TECPR2: variants seen among roughly 807,000 people sequenced by gnomAD.
The protein encoded by TECPR2 is tectonin beta-propeller repeat-containing protein 2.
In TECPR2, 65 loss-of-function variants were observed where a neutral mutation model predicts 138.1. That is an observed-to-expected ratio of 0.47 (90% CI 0.39 to 0.58). TECPR2 has a LOEUF of 0.58. Among genes scored for constraint, TECPR2 ranks in the 20% least tolerant of loss-of-function variants. The pLI, the probability that TECPR2 is intolerant of heterozygous loss-of-function variation, is 0.00. For synonymous variants in TECPR2, 746 were observed against 749.8 expected (o/e 0.99, Z 0.08); for missense variants, 1,553 against 1,824.5 (o/e 0.85, Z 2.71).
At chr14:102,432,731 C>T (rs1468070826) in intron 8 of TECPR2, among the ~76,000 whole-genome samples, 1 of 150,952 alleles carries the variant, frequency 6.6e-6, no homozygotes, top group East Asian at 2.0e-4. Flanking sequence ...CGGGGCCGGG[C>T]GCAGTGGCTC....
Position 102,376,853 on chromosome 14 carries a change from C to T in TECPR2, c.132C>T (p.Asn44=), listed in dbSNP as rs146316866. The T allele has an allele frequency of 1.9e-5, 30 of 1,614,040 alleles. No individual in the cohort carries two copies. Among genetic ancestry groups the T allele is most frequent in the African/African-American group, 9.3e-5 (7 of 74,914 alleles). ...IVVYLTALDT[N]GDYIAVGSSI... The stretch of plus-strand genomic sequence containing the variant: ...TCTATCTCACGGCCCTCGACACCAA[C>T]GGGGACTACATCGCGGTGGGCAGCA... The change falls in exon 2 of 20, where the codon AAC becomes AAT. Residue 44 remains asparagine, a synonymous_variant. Coordinates refer to ENST00000359520, the MANE Select transcript of TECPR2 (RefSeq NM_014844.5).
chr14:102,473,470 G>A (rs948921074), intron 17 of TECPR2, among the ~76,000 whole-genome samples: 39 of 152,142 alleles, frequency 2.6e-4, no homozygotes, highest in African/African-American at 9.4e-4. Context: ...TTTGTTCTTC[G>A]ACTTGAGCTT....
intron 5 of TECPR2, among the ~76,000 whole-genome samples, chr14:102,418,125 C>T (rs955165182): frequency 6.6e-6 from 1 of 152,060 alleles, no homozygotes; most frequent in African/African-American, 2.4e-5. Flanking sequence ...TTCTGTGGAC[C>T]GGTCTGGAGC....
chr14:102,375,641 A>G (rs1449978431), intron 1 of TECPR2, among the ~76,000 whole-genome samples: 1 of 152,196 alleles, frequency 6.6e-6, no homozygotes, highest in African/African-American at 2.4e-5. Context: ...CCATGATGCA[A>G]GAAGTTTCTG....
chr14:102,426,523 T>G (rs1889326432), intron 6 of TECPR2, among the ~76,000 whole-genome samples: 1 of 152,162 alleles, frequency 6.6e-6, no homozygotes, highest in South Asian at 2.1e-4. Context: ...CAGGCACCCC[T>G]TTCTTTTATA....
intron 1 of TECPR2, among the ~76,000 whole-genome samples, chr14:102,370,372 G>C (rs1887469237): frequency 6.6e-6 from 1 of 152,106 alleles, no homozygotes; most frequent in Non-Finnish European, 1.5e-5. Flanking sequence ...CACCCGGCCG[G>C]TAATAAGATT....
At chr14:102,411,626 C>T (rs1038043066) in intron 4 of TECPR2, among the ~76,000 whole-genome samples, 1 of 143,772 alleles carries the variant, frequency 7.0e-6, no homozygotes, top group African/African-American at 2.6e-5. Flanking sequence ...GGCCCCACCC[C>T]TATCTCCCTC....
chr14:102,483,223 G>T (rs1208897674), intron 17 of TECPR2, among the ~76,000 whole-genome samples: 1 of 151,998 alleles, frequency 6.6e-6, no homozygotes, highest in Non-Finnish European at 1.5e-5. Context: ...AGGTCTCTTT[G>T]TTCCTAGTGT....
chr14:102,497,086 G>C lies in TECPR2; in HGVS notation c.3897G>C (p.Glu1299Asp). 1 of 1,613,084 alleles carries C rather than the reference G, an allele frequency of 6.2e-7. No individual in the cohort carries two copies. Residue 1299 changes from glutamate to aspartate, a missense_variant, in exon 18 of 20, where the codon GAG (glutamate) becomes GAC (aspartate). Coordinates refer to ENST00000359520, the MANE Select transcript of TECPR2 (RefSeq NM_014844.5). ...NVHVRTGITE[E>D]MPVGTAWEHV... ...ACGTGCGGACCGGGATCACCGAGGA[G>C]ATGCCTGTGGGGACCGCCTGGGAGC...
At chr14:102,449,065 C>T (rs1415259091) in intron 13 of TECPR2, among the ~76,000 whole-genome samples, 1 of 152,218 alleles carries the variant, frequency 6.6e-6, no homozygotes, top group Non-Finnish European at 1.5e-5. Flanking sequence ...AGTTCAAGAC[C>T]AGCCCTGGGC....
intron 16 of TECPR2, among the ~76,000 whole-genome samples, chr14:102,464,239 T>C (rs1890491512): frequency 6.6e-6 from 1 of 152,200 alleles, no homozygotes; most frequent in Non-Finnish European, 1.5e-5. Context: ...CAGCAGCTGC[T>C]CAGGAACTGT....
intron 2 of TECPR2, among the ~76,000 whole-genome samples, chr14:102,394,820 C>G (rs1888272075): frequency 6.6e-6 from 1 of 152,168 alleles, no homozygotes; most frequent in African/African-American, 2.4e-5. Flanking sequence ...TCGACGGAGT[C>G]TGTCTTCATC....
intron 1 of TECPR2, among the ~76,000 whole-genome samples, chr14:102,369,821 G>A (rs976546405): frequency 5.3e-5 from 8 of 151,868 alleles, no homozygotes; most frequent in Non-Finnish European, 8.8e-5. Context: ...AGCCAGGCGT[G>A]GTGGCAGGTG....
At chr14:102,497,264 G>A in intron 18 of TECPR2, 144 bp downstream of exon 18, 1 of 1,360,576 alleles carries the variant, frequency 7.3e-7, no homozygotes, top group Non-Finnish European at 9.7e-7. Context: ...CTGGGCCAGG[G>A]GACAAGCCTC....
chr14:102,379,472 G>A (rs916043409), intron 2 of TECPR2, among the ~76,000 whole-genome samples: 2 of 150,114 alleles, frequency 1.3e-5, no homozygotes, highest in African/African-American at 2.5e-5. Context: ...ATGCACAGAG[G>A]CGTCCTGGTC....
chr14:102,493,126 A>G (rs1747577244), intron 17 of TECPR2, among the ~76,000 whole-genome samples: 1 of 152,126 alleles, frequency 6.6e-6, no homozygotes, highest in Non-Finnish European at 1.5e-5. Context: ...AAGCACAGTC[A>G]TCTCCTCCTC....
rs1467132438 is a variant in TECPR2, at chr14:102,419,120, C to G, written c.638+4327C>G. On this transcript the variant is annotated intron_variant, in intron 5 of 19. Transcript: ENST00000359520. The surrounding 1 kb of genome is among the most constrained non-coding windows in gnomAD (Gnocchi z 4.8). ...AGGGAGATTTGGGCAGGCTTGTGTT[C>G]TGAAGAGGAAAGGGCATCAGGAGAG... Among the ~76,000 whole-genome samples the G allele has an allele frequency of 6.6e-6, 1 of 152,008 alleles. No homozygotes were observed. The highest frequency in any genetic ancestry group is 1.5e-5 in the Non-Finnish European group (1 of 68,026).
chr14:102,435,140 G>A lies in TECPR2; in HGVS notation c.2323G>A (p.Gly775Arg), dbSNP rs138725425. The A allele has an allele frequency of 4.1e-5, 66 of 1,613,344 alleles. No individual in the cohort carries two copies. In the African/African-American group the frequency reaches 7.3e-4, roughly 18 times the overall value. Residue 775 changes from glycine to arginine, a missense_variant, in exon 9 of 20, where the codon GGA (glycine) becomes AGA (arginine). Gly to Arg is a moderately radical substitution (Grantham distance 125). Transcript: ENST00000359520. Reference sequence around the variant, plus strand: ...CTCAGAGACGAGTGTGACAGAGCTCGGACCTAGTTGCTCCCAGCAGGACCT... The same window carrying A: ...CTCAGAGACGAGTGTGACAGAGCTCAGACCTAGTTGCTCCCAGCAGGACCT... ...SSSETSVTELGPSCSQQDLSR... is the reference protein window; with the variant it reads ...SSSETSVTELRPSCSQQDLSR...
rs1320370662 is a variant in TECPR2 at position 102,419,067 on chromosome 14, C to G, written c.638+4274C>G. On this transcript the variant is annotated intron_variant, in intron 5 of 19. Coordinates refer to ENST00000359520, the MANE Select transcript of TECPR2 (RefSeq NM_014844.5). This position sits in a 1 kb window ranked among gnomAD's most constrained non-coding sequence, Gnocchi z 4.8. ...CTCTCGGGGAGCTGTGCGCTGGCAG[C>G]CACTGGCATGCAGACAGGAGCTCGC... is the stretch of plus-strand genomic sequence containing the variant. Among the ~76,000 whole-genome samples, 1 of 152,032 alleles carries G rather than the reference C, an allele frequency of 6.6e-6. No homozygotes were observed. The highest frequency in any genetic ancestry group is 1.5e-5 in the Non-Finnish European group (1 of 68,016).
Sources: gnomAD v4.1 joint callset for allele counts (sites outside exome capture counted in the v4.1 genomes callset) on GRCh38, gnomAD v4.1.1 for gene constraint, Gnocchi (gnomAD v3.1) non-coding constraint, MANE v1.5 for transcripts, NCBI Gene and HGNC (gene_info 2026-07-23, HGNC 2026-07-21) for gene names.